CREB5: variants seen among roughly 807,000 people sequenced by gnomAD.
The protein encoded by CREB5 is cAMP responsive element binding protein 5.
In CREB5, 19 loss-of-function variants were observed where a neutral mutation model predicts 57.1. The ratio of observed to expected loss-of-function variants is 0.33; its 90% CI spans 0.23 to 0.49. CREB5 has a LOEUF of 0.49. Ranked by LOEUF, CREB5 falls within the 20% of genes least tolerant of loss-of-function variation. The pLI, the probability that CREB5 is intolerant of heterozygous loss-of-function variation, is 0.99. For missense variants in CREB5, 579 were observed against 671.6 expected (o/e 0.86, Z 1.52); for synonymous variants, 238 against 238.3 (o/e 1.00, Z 0.01).
chr7:28,583,964 C>T (rs1156320216), intron 5 of CREB5, among the ~76,000 whole-genome samples: 1 of 152,094 alleles, frequency 6.6e-6, no homozygotes, highest in Admixed American at 6.6e-5. Flanking sequence ...AGGAGTGAGC[C>T]ACCGCGCTGG....
chr7:28,803,395 AAATT>A (rs1362301563), intron 7 of CREB5, among the ~76,000 whole-genome samples: 2 of 152,170 alleles, frequency 1.3e-5, no homozygotes, highest in Non-Finnish European at 2.9e-5. Flanking sequence ...TTAAAATTTG[AAATT>A]ATTTATTCTC....
At chr7:28,343,838 T>A (rs1326655001) in intron 1 of CREB5, among the ~76,000 whole-genome samples, 2 of 152,232 alleles carry the variant, frequency 1.3e-5, no homozygotes, top group Non-Finnish European at 2.9e-5. Flanking sequence ...AAGGATTCTC[T>A]TTTCTCCACA....
At chr7:28,361,493 T>C (rs1184606259) in intron 1 of CREB5, among the ~76,000 whole-genome samples, 2 of 152,136 alleles carry the variant, frequency 1.3e-5, no homozygotes, top group African/African-American at 2.4e-5. Context: ...CCCAGCTAGG[T>C]GGTGGGCATA....
rs1809823322 is a variant in CREB5 at position 28,822,402 on chromosome 7, T to C, written c.*3123T>C. On this transcript the variant is annotated 3_prime_UTR_variant, in exon 11 of 11. Transcript: ENST00000357727. The stretch of plus-strand genomic sequence containing the variant: ...AAAATCCCTCCTCCTTGTCCTACAC[T>C]TTTTGCCTGTTTGGGAGAATATCTT... 6.6e-6 allele frequency: 1 copy of C among 152,638 alleles called. No homozygotes were observed. The highest frequency in any genetic ancestry group is 1.5e-5 in the Non-Finnish European group (1 of 68,062). 9.5% of individuals were successfully genotyped at this position (152,638 alleles called of 1,614,324 possible).
At chr7:28,646,306 G>C (rs184173129) in intron 5 of CREB5, among the ~76,000 whole-genome samples, 296 of 152,132 alleles carry the variant, frequency 1.9e-3, no homozygotes, top group Non-Finnish European at 3.4e-3. Flanking sequence ...TAAAGATCCC[G>C]AGCAAACCTA....
intron 5 of CREB5, among the ~76,000 whole-genome samples, chr7:28,705,219 T>C (rs1221051683): frequency 6.6e-6 from 1 of 151,662 alleles, no homozygotes; most frequent in Non-Finnish European, 1.5e-5. Context: ...AAAAATTAGC[T>C]GGGTGTGGTG....
At chr7:28,676,488 A>T (rs755099522) in intron 5 of CREB5, among the ~76,000 whole-genome samples, 11 of 152,144 alleles carry the variant, frequency 7.2e-5, no homozygotes, top group South Asian at 2.1e-4. Flanking sequence ...CGCGATCCTC[A>T]TTCTCCTTCC....
At chr7:28,644,348 A>G (rs1018107860) in intron 5 of CREB5, among the ~76,000 whole-genome samples, 2 of 152,084 alleles carry the variant, frequency 1.3e-5, no homozygotes, top group African/African-American at 4.8e-5. Context: ...GCCCTTCCCT[A>G]TTCCACAGTA....
At chr7:28,676,692 G>T (rs920627633) in intron 5 of CREB5, among the ~76,000 whole-genome samples, 1 of 152,168 alleles carries the variant, frequency 6.6e-6, no homozygotes, top group Non-Finnish European at 1.5e-5. Context: ...CTGTTGATGT[G>T]TAACTAAAGT....
chr7:28,584,832 T>C (rs1438788789), intron 5 of CREB5, among the ~76,000 whole-genome samples: 1 of 148,806 alleles, frequency 6.7e-6, no homozygotes, highest in Non-Finnish European at 1.5e-5. Context: ...CTGTAACAGA[T>C]GTGGGGGATA....
chr7:28,364,071 T>C (rs993591411), intron 1 of CREB5, among the ~76,000 whole-genome samples: 1 of 152,234 alleles, frequency 6.6e-6, no homozygotes, highest in African/African-American at 2.4e-5. Flanking sequence ...TTTACCTAAT[T>C]GCTTATTTCT....
At chr7:28,726,802 A>G (rs562291478) in intron 7 of CREB5, 1 of 152,324 alleles carries the variant, frequency 6.6e-6, no homozygotes, top group African/African-American at 2.4e-5. Context: ...AACACTGCAG[A>G]CTTATTCCCC....
intron 4 of CREB5, among the ~76,000 whole-genome samples, chr7:28,569,547 C>T (rs1376911873): frequency 3.9e-5 from 6 of 152,128 alleles, no homozygotes; most frequent in African/African-American, 1.4e-4. Flanking sequence ...CTATAAGTGA[C>T]TCAGACATCT....
intron 1 of CREB5, among the ~76,000 whole-genome samples, chr7:28,419,951 G>C (rs1273445395): frequency 6.6e-6 from 1 of 152,230 alleles, no homozygotes; most frequent in African/African-American, 2.4e-5. Flanking sequence ...TGAGGGTGCA[G>C]TGTTTTGGCA....
At chr7:28,792,298 T>C (rs529211839) in intron 7 of CREB5, among the ~76,000 whole-genome samples, 1 of 151,512 alleles carries the variant, frequency 6.6e-6, no homozygotes, top group African/African-American at 2.4e-5. Flanking sequence ...AGCAAGACTC[T>C]GTCTCAAAAA....
At chr7:28,818,029 C>T in intron 9 of CREB5, 42 bp from the exon 10 acceptor site, 1 of 1,515,508 alleles carries the variant, frequency 6.6e-7, no homozygotes, top group Non-Finnish European at 9.1e-7. Flanking sequence ...GGTTTGTATC[C>T]TCTGGTCTTC....
chr7:28,710,658 G>A (rs980741296), intron 5 of CREB5, among the ~76,000 whole-genome samples: 6 of 152,036 alleles, frequency 3.9e-5, no homozygotes, highest in African/African-American at 1.5e-4. Context: ...AATTAAATCA[G>A]GAAGCTGAAA....
chr7:28,476,651 C>T (rs1368786165), intron 1 of CREB5, among the ~76,000 whole-genome samples: 2 of 152,112 alleles, frequency 1.3e-5, no homozygotes, highest in Non-Finnish European at 2.9e-5. Context: ...TTAGGTTTAC[C>T]ATAAATAATA....
chr7:28,634,794 G>A (rs550347585), intron 5 of CREB5, among the ~76,000 whole-genome samples: 62 of 152,198 alleles, frequency 4.1e-4, no homozygotes, highest in African/African-American at 1.5e-3. Flanking sequence ...AATTTAGTCT[G>A]TATCTCTGAT....
Sources: allele counts gnomAD v4.1 joint callset (sites outside exome capture counted in the v4.1 genomes callset), GRCh38; gene constraint gnomAD v4.1.1; transcripts MANE v1.5; gene names NCBI Gene and HGNC (gene_info 2026-07-23, HGNC 2026-07-21).